GNG7: variants seen among roughly 807,000 people sequenced by gnomAD.
GNG7 encodes the protein G protein subunit gamma 7, also known as guanine nucleotide-binding protein G(I)/G(S)/G(O) subunit gamma-7.
Under a neutral mutation model 4.0 loss-of-function variants are expected in GNG7, and 1 was observed. That is an observed-to-expected ratio of 0.25 (90% CI 0.09 to 1.18). GNG7 has a LOEUF of 1.18. Among genes scored for constraint, GNG7 ranks in the 50% most tolerant of loss-of-function variants. The pLI is 0.50. For missense variants in GNG7, 86 were observed against 91.9 expected (o/e 0.94, Z 0.26); for synonymous variants, 34 against 36.9 (o/e 0.92, Z 0.29).
intron 1 of GNG7, among the ~76,000 whole-genome samples, chr19:2,696,344 A>AAG (rs908636453): frequency 6.9e-6 from 1 of 145,346 alleles, no homozygotes; most frequent in African/African-American, 2.7e-5. Flanking sequence ...GAAAGAAAGA[A>AAG]AGAAAAGAAA....
At chr19:2,696,484 A>C (rs1913268394) in intron 1 of GNG7, among the ~76,000 whole-genome samples, 1 of 152,240 alleles carries the variant, frequency 6.6e-6, no homozygotes, top group African/African-American at 2.4e-5. Flanking sequence ...GCTTCAGTGC[A>C]GTGGACTGCC....
chr19:2,538,102 A>AAACAG, intron 3 of GNG7: 1 of 455,586 alleles, frequency 2.2e-6, no homozygotes. Flanking sequence ...AAACAAAACA[A>AAACAG]AACAACAATG....
At chr19:2,673,794 A>ATTTC (rs201754702) in intron 1 of GNG7, among the ~76,000 whole-genome samples, 3,123 of 152,082 alleles carry the variant, frequency 0.021, 99 homozygotes, top group African/African-American at 0.071. Flanking sequence ...TTTTTAGAAA[A>ATTTC]TTTCTTTCTT....
intron 2 of GNG7, among the ~76,000 whole-genome samples, chr19:2,619,261 GCTGA>G (rs1362111738): frequency 2.0e-5 from 3 of 152,124 alleles, no homozygotes; most frequent in African/African-American, 7.2e-5. Flanking sequence ...ACCACATCTA[GCTGA>G]CTGTGTGTTT....
Position 2,512,893 on chromosome 19 carries a change from C to A in GNG7, c.*2129G>T. 1.0e-6 allele frequency: 1 copy of A among 984,642 alleles called. No homozygotes were observed. Among genetic ancestry groups the A allele is most frequent in the Non-Finnish European group, 1.2e-6 (1 of 829,210 alleles). The allele number at this position is 984,642 out of a possible 1,614,324, so 61.0% of individuals were successfully genotyped here. ...GTCCCTTCCTGCCATTCCTGCTATG[C>A]GTGGTGGGGACGCCCACACCCCAAA... On this transcript the variant is annotated 3_prime_UTR_variant, in exon 5 of 5. Coordinates refer to ENST00000382159, the MANE Select transcript of GNG7 (RefSeq NM_052847.3). The surrounding 1 kb of genome is among the most constrained non-coding windows in gnomAD (Gnocchi z 4.7).
chr19:2,673,198 C>G (rs1027856339), intron 1 of GNG7, among the ~76,000 whole-genome samples: 1 of 149,028 alleles, frequency 6.7e-6, no homozygotes, highest in Non-Finnish European at 1.5e-5. Context: ...GCGGAGCTTG[C>G]AGCGAGCTGA....
chr19:2,670,980 G>C (rs1344911556), intron 1 of GNG7, among the ~76,000 whole-genome samples: 1 of 152,120 alleles, frequency 6.6e-6, no homozygotes, highest in Non-Finnish European at 1.5e-5. Flanking sequence ...TGAATCCCAG[G>C]AGCTGGGGGT....
rs1157502459 is a variant in GNG7, at chr19:2,557,310, CACAG to C, written c.-77-2126_-77-2123del. On this transcript the variant is annotated intron_variant, in intron 2 of 4. Transcript: ENST00000382159. The surrounding 1 kb of genome is among the most constrained non-coding windows in gnomAD (Gnocchi z 5.1). ...GCACACACAGAGGTGCACATACACG[CACAG>C]ACACACATGTGCACACAGACACACA... Among the ~76,000 whole-genome samples the C allele has an allele frequency of 1.7e-5, 2 of 116,500 alleles. No individual in the cohort carries two copies. The highest frequency in any genetic ancestry group is 8.8e-5 in the Admixed American group (1 of 11,408). 76.4% of individuals were successfully genotyped at this position (116,500 alleles called of 152,430 possible). A position where few individuals can be genotyped will look rare whatever the true frequency, so the allele number is the denominator to read the frequency against.
chr19:2,598,901 T>C (rs73526849), intron 2 of GNG7, among the ~76,000 whole-genome samples: 14,736 of 152,068 alleles, frequency 0.097, 2,400 homozygotes, highest in African/African-American at 0.34. Context: ...TTGAAAGAAA[T>C]GGAAACTGAT....
chr19:2,620,843 C>G (rs1981850752), intron 2 of GNG7, among the ~76,000 whole-genome samples: 1 of 152,174 alleles, frequency 6.6e-6, no homozygotes, highest in African/African-American at 2.4e-5. Context: ...CAGCTCTGTG[C>G]AGAGAACAGA....
chr19:2,621,716 C>T (rs1216047164), intron 2 of GNG7, among the ~76,000 whole-genome samples: 1 of 151,932 alleles, frequency 6.6e-6, no homozygotes, highest in East Asian at 1.9e-4. Flanking sequence ...AACAAACAAA[C>T]AAACAAAAAC....
Position 2,655,794 on chromosome 19 carries a change from G to A in GNG7, c.-134-9514C>T, listed in dbSNP as rs184467162. On this transcript the variant is annotated intron_variant, in intron 1 of 4. Coordinates refer to ENST00000382159, the MANE Select transcript of GNG7 (RefSeq NM_052847.3). ...GTGGAGCTTGCAGTGAGTCGAGATC[G>A]CGCCACTGCACTCCAGCCTGGGTGA... Among the ~76,000 whole-genome samples the A allele has an allele frequency of 1.5e-3, 223 of 145,664 alleles. 6 individuals are homozygous for A. In the East Asian group the frequency reaches 0.035, roughly 23 times the overall value.
chr19:2,519,326 T>C (rs1229578652), intron 4 of GNG7, among the ~76,000 whole-genome samples: 2 of 151,158 alleles, frequency 1.3e-5, no homozygotes, highest in Non-Finnish European at 2.9e-5. Flanking sequence ...AATCTTTTTT[T>C]TGTATTTTTA....
chr19:2,700,025 T>C lies in GNG7; in HGVS notation c.-135+2621A>G, dbSNP rs1294527924. 2.6e-5 allele frequency among the ~76,000 whole-genome samples: 4 copies of C among 152,172 alleles called. No individual in the cohort carries two copies. The East Asian group carries it at 7.7e-4, about 29-fold the overall frequency. Reference sequence around the variant, plus strand: ...AAAGTCTTCTTTCTTTTCAGTTTTTTACTCACTTTTAATAATATGGAAACA... The same window carrying C: ...AAAGTCTTCTTTCTTTTCAGTTTTTCACTCACTTTTAATAATATGGAAACA... On this transcript the variant is annotated intron_variant, in intron 1 of 4. Transcript: ENST00000382159.
At chr19:2,523,805 C>G (rs555747935) in intron 3 of GNG7, among the ~76,000 whole-genome samples, 4 of 152,118 alleles carry the variant, frequency 2.6e-5, no homozygotes, top group African/African-American at 9.7e-5. Context: ...TGTGACTCCA[C>G]GGCGATCTCA....
intron 1 of GNG7, among the ~76,000 whole-genome samples, chr19:2,654,823 T>C (rs1157456825): frequency 2.0e-5 from 3 of 152,044 alleles, no homozygotes; most frequent in Non-Finnish European, 2.9e-5. Flanking sequence ...TTCTCTGGGC[T>C]GGGGCCATCC....
At chr19:2,533,915 C>A (rs973664502) in intron 3 of GNG7, among the ~76,000 whole-genome samples, 1 of 152,172 alleles carries the variant, frequency 6.6e-6, no homozygotes, top group African/African-American at 2.4e-5. Context: ...ACACATGAAT[C>A]ATATCAGCCT....
chr19:2,613,702 G>C (rs1981638712), intron 2 of GNG7, among the ~76,000 whole-genome samples: 1 of 152,188 alleles, frequency 6.6e-6, no homozygotes, highest in Non-Finnish European at 1.5e-5. Context: ...GGACATTTGT[G>C]GTTGTCATGC....
chr19:2,613,001 C>T (rs962115764), intron 2 of GNG7, among the ~76,000 whole-genome samples: 3 of 152,086 alleles, frequency 2.0e-5, no homozygotes, highest in Non-Finnish European at 4.4e-5. Flanking sequence ...CAACGTCGGA[C>T]ATTTTTAGAG....
Sources: allele counts gnomAD v4.1 joint callset (sites outside exome capture counted in the v4.1 genomes callset), GRCh38; gene constraint gnomAD v4.1.1; non-coding constraint Gnocchi (gnomAD v3.1); transcripts MANE v1.5; gene names NCBI Gene and HGNC (gene_info 2026-07-23, HGNC 2026-07-21).